SULT2B1: variants seen among roughly 807,000 people sequenced by gnomAD.
The protein encoded by SULT2B1 is sulfotransferase 2B1.
Under a neutral mutation model 33.2 loss-of-function variants are expected in SULT2B1, and 16 were observed. The ratio of observed to expected loss-of-function variants is 0.48; its 90% CI spans 0.33 to 0.73. The LOEUF is 0.73. Ranked by LOEUF, SULT2B1 falls within the 30% of genes least tolerant of loss-of-function variation. SULT2B1 has a pLI of 0.02. For synonymous variants in SULT2B1, 186 were observed against 200.5 expected (o/e 0.93, Z 0.61); for missense variants, 500 against 506.0 (o/e 0.99, Z 0.11).
intron 4 of SULT2B1, among the ~76,000 whole-genome samples, chr19:48,591,976 A>G (rs1973649465): frequency 6.6e-6 from 1 of 152,102 alleles, no homozygotes; most frequent in Non-Finnish European, 1.5e-5. Context: ...ACACAGATAC[A>G]AAAAGACTGA....
intron 1 of SULT2B1, among the ~76,000 whole-genome samples, chr19:48,563,068 T>C (rs892506496): frequency 2.6e-5 from 4 of 152,040 alleles, no homozygotes; most frequent in Non-Finnish European, 5.9e-5. Context: ...TTTTTTAAAA[T>C]ATAAAATTTT....
intron 1 of SULT2B1, among the ~76,000 whole-genome samples, chr19:48,572,375 T>C (rs1973342736): frequency 1.3e-5 from 2 of 152,040 alleles, no homozygotes; most frequent in Non-Finnish European, 2.9e-5. Context: ...TAGCCAGGCA[T>C]GGTGGCATGC....
intron 1 of SULT2B1, among the ~76,000 whole-genome samples, chr19:48,564,587 A>G (rs866692392): frequency 6.6e-6 from 1 of 151,362 alleles, no homozygotes; most frequent in Non-Finnish European, 1.5e-5. Flanking sequence ...AAAGAAAAAA[A>G]GAGGAACTTA....
chr19:48,571,143 C>A (rs1973321064), intron 1 of SULT2B1, among the ~76,000 whole-genome samples: 1 of 151,996 alleles, frequency 6.6e-6, no homozygotes, highest in Admixed American at 6.6e-5. Flanking sequence ...ACCTCAGCTT[C>A]CTGAGCAGCT....
At position 48,583,807 on chromosome 19, in the gene SULT2B1, G is replaced by C. The variant is rs201624044; in HGVS notation, c.215-3422G>C. On this transcript the variant is annotated intron_variant, in intron 2 of 6. Transcript: ENST00000201586. ...CACTCCAGCCTGGGCGACAGAGCCA[G>C]ACTGTCTCAAACAAACAAACAAAAG... Among the ~76,000 whole-genome samples the C allele has an allele frequency of 1.5e-3, 216 of 142,434 alleles. 5 individuals are homozygous for C. The East Asian group carries it at 0.054, about 35-fold the overall frequency. The allele number at this position is 142,434 out of a possible 152,430, so 93.4% of individuals were successfully genotyped here. A position where few individuals can be genotyped will look rare whatever the true frequency, so the allele number is the denominator to read the frequency against.
intron 4 of SULT2B1, 75 bp downstream of exon 4, chr19:48,591,810 GA>G (rs1431423935): frequency 1.4e-6 from 2 of 1,463,608 alleles, no homozygotes; most frequent in African/African-American, 2.8e-5. Flanking sequence ...AGGGACAGAG[GA>G]GGGGTAAGAA....
Position 48,591,600 on chromosome 19 carries a change from C to T in SULT2B1, c.424-9C>T, listed in dbSNP as rs1203346699. ...CGCCTTCTCCCCTCTCCTCACCATC[C>T]GCACACAGGTGATCTACATGGGCCG... On this transcript the variant is annotated splice_polypyrimidine_tract_variant and intron_variant, in intron 3 of 6. Transcript: ENST00000201586. 23 of 1,608,300 alleles carry T rather than the reference C, an allele frequency of 1.4e-5. No individual in the cohort carries two copies. Among genetic ancestry groups the T allele is most frequent in the Admixed American group, 3.4e-5 (2 of 59,492 alleles).
intron 1 of SULT2B1, among the ~76,000 whole-genome samples, chr19:48,567,256 GA>G (rs1448761830): frequency 6.6e-6 from 1 of 151,902 alleles, no homozygotes; most frequent in Non-Finnish European, 1.5e-5. Flanking sequence ...TTCATTCGGG[GA>G]TCTGGCAAAT....
intron 1 of SULT2B1, 27 bp from the exon 2 acceptor site, chr19:48,575,914 C>T (rs1224003252): frequency 6.2e-7 from 1 of 1,603,026 alleles, no homozygotes; most frequent in Admixed American, 1.7e-5. Context: ...TACTCTCCCT[C>T]ATGGCGTCTC....
intron 1 of SULT2B1, among the ~76,000 whole-genome samples, chr19:48,569,363 CATATATATATATAT>C (rs1159840741): frequency 4.8e-4 from 16 of 33,274 alleles, no homozygotes; most frequent in East Asian, 8.0e-4. Context: ...AAAAAAAAAA[CATATATATATATAT>C]ATATATATAT....
chr19:48,570,040 C>A (rs1159244137), intron 1 of SULT2B1, among the ~76,000 whole-genome samples: 2 of 152,144 alleles, frequency 1.3e-5, no homozygotes, highest in Non-Finnish European at 2.9e-5. Flanking sequence ...AGGACGACAA[C>A]ATCATTGGAG....
intron 1 of SULT2B1, among the ~76,000 whole-genome samples, chr19:48,558,124 T>C (rs1973125105): frequency 6.6e-6 from 1 of 151,996 alleles, no homozygotes; most frequent in Non-Finnish European, 1.5e-5. Flanking sequence ...CGTCGGAGAT[T>C]AACCCATTTT....
At chr19:48,556,881 C>G (rs889476216) in intron 1 of SULT2B1, among the ~76,000 whole-genome samples, 1 of 151,654 alleles carries the variant, frequency 6.6e-6, no homozygotes, top group Non-Finnish European at 1.5e-5. Flanking sequence ...ACCCAGGAGG[C>G]GGAAGTTGCA....
At chr19:48,562,357 G>A (rs1239722713) in intron 1 of SULT2B1, among the ~76,000 whole-genome samples, 2 of 151,528 alleles carry the variant, frequency 1.3e-5, no homozygotes, top group Admixed American at 1.3e-4. Context: ...TTGCACTCCA[G>A]CCTGGGCAAC....
chr19:48,581,890 A>ATTAT (rs1387045137), intron 2 of SULT2B1, among the ~76,000 whole-genome samples: 1,478 of 137,686 alleles, frequency 0.011, 21 homozygotes, highest in African/African-American at 0.036. Flanking sequence ...TATTATTATT[A>ATTAT]TATTATTATT....
chr19:48,567,127 C>T (rs954047525), intron 1 of SULT2B1, among the ~76,000 whole-genome samples: 5 of 152,108 alleles, frequency 3.3e-5, no homozygotes, highest in African/African-American at 4.8e-5. Context: ...TCATTTACCC[C>T]GTCCCCTGTT....
chr19:48,590,271 G>C (rs1047984691), intron 3 of SULT2B1, among the ~76,000 whole-genome samples: 3 of 152,018 alleles, frequency 2.0e-5, no homozygotes, highest in Admixed American at 2.0e-4. Context: ...TTACAGGTGT[G>C]AGCCACAGTG....
intron 1 of SULT2B1, among the ~76,000 whole-genome samples, chr19:48,556,831 T>C (rs1348120063): frequency 6.6e-6 from 1 of 151,580 alleles, no homozygotes; most frequent in Non-Finnish European, 1.5e-5. Context: ...ACACCTGTAA[T>C]CTCAGCTACT....
intron 2 of SULT2B1, among the ~76,000 whole-genome samples, chr19:48,582,786 T>C (rs1973509895): frequency 2.0e-5 from 3 of 151,874 alleles, no homozygotes; most frequent in Admixed American, 2.0e-4. Flanking sequence ...GAGGTTGTAG[T>C]GAGCCAAGAT....
Sources: allele counts gnomAD v4.1 joint callset (sites outside exome capture counted in the v4.1 genomes callset), GRCh38; gene constraint gnomAD v4.1.1; transcripts MANE v1.5; gene names NCBI Gene and HGNC (gene_info 2026-07-23, HGNC 2026-07-21).